The following EFCAB14 variants were observed in gnomAD, a reference collection of about 807,000 sequenced individuals.
EFCAB14 encodes EF-hand calcium binding domain 14, also known as EF-hand calcium-binding domain-containing protein 14.
A neutral mutation model predicts 56.5 loss-of-function variants in EFCAB14; 43 were observed. That is an observed-to-expected ratio of 0.76 (90% CI 0.60 to 0.98). The LOEUF (loss-of-function observed/expected upper bound fraction) is 0.98. Among genes scored for constraint, EFCAB14 ranks in the 50% least tolerant of loss-of-function variants. The pLI is 0.00. For synonymous variants in EFCAB14, 235 were observed against 212.9 expected, an observed-to-expected ratio of 1.10 and a Z score of -0.90; for missense variants, 538 against 580.3, an observed-to-expected ratio of 0.93 and a Z score of 0.75.
Position 46,696,542 on chromosome 1 carries a change from G to A in EFCAB14, c.579+9C>T. 6.2e-7 allele frequency: 1 copy of A among 1,612,238 alleles called. No individual in the cohort carries two copies. The highest frequency in any genetic ancestry group is 8.5e-7 in the Non-Finnish European group (1 of 1,178,644). Reference sequence around the variant, plus strand: ...TTCTGAAGTCTCTGTACCCACACATGGCACCTACCTTCTGAAGTCCCTCTA... The same window carrying A: ...TTCTGAAGTCTCTGTACCCACACATAGCACCTACCTTCTGAAGTCCCTCTA... On this transcript the variant is annotated intron_variant, in intron 4 of 10. Coordinates refer to ENST00000371933, the MANE Select transcript of EFCAB14 (RefSeq NM_014774.3).
At chr1:46,709,336 C>T (rs1040293792) in intron 2 of EFCAB14, among the ~76,000 whole-genome samples, 2 of 152,032 alleles carry the variant, frequency 1.3e-5, no homozygotes, top group African/African-American at 2.4e-5. Context: ...CTTGCACATG[C>T]TATGGTTTTT....
chr1:46,697,852 CTCTT>C (rs1422004955), intron 3 of EFCAB14, among the ~76,000 whole-genome samples: 11 of 117,664 alleles, frequency 9.3e-5, no homozygotes, highest in African/African-American at 3.0e-4. Context: ...TTCTCTCTCT[CTCTT>C]TTTTTTTTTT....
At chr1:46,688,248 G>A (rs1012358311) in intron 7 of EFCAB14, 105 bp downstream of exon 7, 20 of 1,067,100 alleles carry the variant, frequency 1.9e-5, no homozygotes, top group Middle Eastern at 2.1e-4. Flanking sequence ...ACACAAATGT[G>A]TGGCCTCTCA....
intron 2 of EFCAB14, among the ~76,000 whole-genome samples, chr1:46,712,857 C>A (rs1317033825): frequency 6.7e-6 from 1 of 150,076 alleles, no homozygotes; most frequent in East Asian, 2.0e-4. Context: ...AAAAAAAATA[C>A]AAAAAATTAG....
chr1:46,697,385 A>G (rs1231011321), intron 3 of EFCAB14, among the ~76,000 whole-genome samples: 4 of 152,202 alleles, frequency 2.6e-5, no homozygotes, highest in Non-Finnish European at 5.9e-5. Context: ...TTCGCTCTTG[A>G]ATGGGAACTG....
chr1:46,718,230 G>T lies in EFCAB14; in HGVS notation c.-143C>A. On this transcript the variant is annotated 5_prime_UTR_variant, in exon 1 of 11. Coordinates refer to ENST00000371933, the MANE Select transcript of EFCAB14 (RefSeq NM_014774.3). ...CCCTGGTCACTCCCACCTAGGGGTG[G>T]GACTGACCAGATCCGCCAGGGACTG... is the stretch of plus-strand genomic sequence containing the variant. The T allele has an allele frequency of 1.3e-6, 1 of 741,292 alleles. No individual in the cohort carries two copies. The highest frequency in any genetic ancestry group is 2.2e-6 in the Non-Finnish European group (1 of 460,754). 45.9% of individuals were successfully genotyped at this position (741,292 alleles called of 1,614,324 possible).
At chr1:46,713,404 T>C (rs570963235) in intron 2 of EFCAB14, among the ~76,000 whole-genome samples, 2 of 152,344 alleles carry the variant, frequency 1.3e-5, no homozygotes, top group Admixed American at 6.5e-5. Context: ...GGTATAATTC[T>C]TGACATCTCC....
In EFCAB14 at chr1:46,675,350, C is replaced by G. The variant is rs1254883869; in HGVS notation, c.*3111G>C. On this transcript the variant is annotated 3_prime_UTR_variant, in exon 11 of 11. Coordinates refer to ENST00000371933, the MANE Select transcript of EFCAB14 (RefSeq NM_014774.3). Reference sequence around the variant, plus strand: ...TAAATTTCTTAATATGAGAAAACAACAAGGTAGGTTAGGTTCGTATAACAA... The same window carrying G: ...TAAATTTCTTAATATGAGAAAACAAGAAGGTAGGTTAGGTTCGTATAACAA... The G allele has an allele frequency of 6.6e-6, 1 of 152,510 alleles. No individual in the cohort carries two copies. The highest frequency in any genetic ancestry group is 1.5e-5 in the Non-Finnish European group (1 of 68,026). The allele number at this position is 152,510 out of a possible 1,614,324, so 9.4% of individuals were successfully genotyped here.
chr1:46,707,797 A>G (rs1677254350), intron 3 of EFCAB14, 109 bp downstream of exon 3: 2 of 1,175,622 alleles, frequency 1.7e-6, no homozygotes, highest in South Asian at 3.7e-5. Context: ...TCAAAAAGTA[A>G]AACAAACTGA....
At chr1:46,701,387 C>G (rs1488496854) in intron 3 of EFCAB14, among the ~76,000 whole-genome samples, 1 of 126,404 alleles carries the variant, frequency 7.9e-6, no homozygotes, top group East Asian at 5.0e-4. Context: ...ATTCCTAATA[C>G]TCTTATCAAT....
chr1:46,701,013 A>G (rs1012540244), intron 3 of EFCAB14, among the ~76,000 whole-genome samples: 6 of 43,498 alleles, frequency 1.4e-4, no homozygotes, highest in South Asian at 9.0e-4. Context: ...GTGTGTGTGC[A>G]TGTGAGATGG....
chr1:46,717,034 TTAG>T (rs1307877198), intron 1 of EFCAB14, among the ~76,000 whole-genome samples: 2 of 152,200 alleles, frequency 1.3e-5, no homozygotes, highest in East Asian at 3.8e-4. Context: ...CTAAACTAAC[TTAG>T]TAGGGTTACT....
chr1:46,692,851 G>T (rs924066978), intron 4 of EFCAB14, among the ~76,000 whole-genome samples: 4 of 152,104 alleles, frequency 2.6e-5, no homozygotes, highest in Non-Finnish European at 5.9e-5. Context: ...TAATTTAAAT[G>T]ATTTTTCCTA....
At chr1:46,683,629 T>C (rs1362414324) in intron 9 of EFCAB14, among the ~76,000 whole-genome samples, 1 of 152,228 alleles carries the variant, frequency 6.6e-6, no homozygotes, top group African/African-American at 2.4e-5. Flanking sequence ...CAGTATTATA[T>C]TACGTTAAGG....
intron 3 of EFCAB14, among the ~76,000 whole-genome samples, chr1:46,706,187 T>C (rs76352481): frequency 0.025 from 3,790 of 152,298 alleles, 85 homozygotes; most frequent in Middle Eastern, 0.075. Flanking sequence ...TTTATATTAA[T>C]TAGCCTATGA....
At chr1:46,691,498 G>A (rs1676991572) in intron 5 of EFCAB14, among the ~76,000 whole-genome samples, 1 of 152,138 alleles carries the variant, frequency 6.6e-6, no homozygotes. Context: ...CAAACTTCTG[G>A]GGGTGCTTTG....
chr1:46,688,600 C>A, intron 6 of EFCAB14, 56 bp from the exon 7 acceptor site: 1 of 1,479,624 alleles, frequency 6.8e-7, no homozygotes, highest in East Asian at 2.3e-5. Flanking sequence ...ATTAGACAAG[C>A]AGGCCAGCAG....
In EFCAB14 at chr1:46,718,456, A is replaced by G. The variant is rs1677432433; in HGVS notation, c.-369T>C. On this transcript the variant is annotated 5_prime_UTR_variant, in exon 1 of 11. Transcript: ENST00000371933. ...TTCTCAGCCCGGATAAGTAGGCAAT[A>G]CTTCTAAGGGTGCTCCAGGAGGTGA... is the stretch of plus-strand genomic sequence containing the variant. The G allele has an allele frequency of 1.2e-5, 2 of 172,018 alleles. No individual in the cohort carries two copies. The highest frequency in any genetic ancestry group is 1.2e-4 in the Admixed American group (2 of 17,252). 10.7% of individuals were successfully genotyped at this position (172,018 alleles called of 1,614,324 possible). A position where few individuals can be genotyped will look rare whatever the true frequency, so the allele number is the denominator to read the frequency against.
In EFCAB14 at chr1:46,691,952, A is replaced by G. The variant is rs1676999457; in HGVS notation, c.580-15T>C. 2 of 1,599,136 alleles carry G rather than the reference A, an allele frequency of 1.3e-6. No individual in the cohort carries two copies. Among genetic ancestry groups the G allele is most frequent in the Non-Finnish European group, 8.5e-7 (1 of 1,170,988 alleles). On this transcript the variant is annotated splice_polypyrimidine_tract_variant and intron_variant, in intron 4 of 10. Transcript: ENST00000371933. ...GAAGCTACACTCTGAATGGAAACAT[A>G]TAGGAAGGTGTAAAAAAGCTTTAAG...
Sources: allele counts gnomAD v4.1 joint callset (sites outside exome capture counted in the v4.1 genomes callset), GRCh38; gene constraint gnomAD v4.1.1; transcripts MANE v1.5; gene names NCBI Gene and HGNC (gene_info 2026-07-23, HGNC 2026-07-21).